Variants in DMD observed in about 807,000 individuals in gnomAD.
DMD encodes the protein mutant dystrophin.
In DMD, 63 loss-of-function variants were observed where a neutral mutation model predicts 330.1. That is an observed-to-expected ratio of 0.19 (90% CI 0.16 to 0.24). The LOEUF (loss-of-function observed/expected upper bound fraction) is 0.24, where lower values mean the gene tolerates loss of function less well. Among genes scored for constraint, DMD ranks in the 10% least tolerant of loss-of-function variants. The pLI, the probability that DMD is intolerant of heterozygous loss-of-function variation, is 1.00. For missense variants in DMD, 3,344 were observed against 2,684.1 expected (o/e 1.25, Z -5.43); for synonymous variants, 1,223 against 959.8 (o/e 1.27, Z -5.07).
At chrX:31,765,693 A>C (rs1318734024) in intron 51 of DMD, among the ~76,000 whole-genome samples, 1 of 112,066 alleles carries the variant, frequency 8.9e-6, no homozygotes, top group African/African-American at 3.2e-5. Flanking sequence ...TATACATAAA[A>C]GTGTGGATAC....
At chrX:31,554,668 A>T (rs927362782) in intron 55 of DMD, among the ~76,000 whole-genome samples, 2 of 111,906 alleles carry the variant, frequency 1.8e-5, no homozygotes, top group Non-Finnish European at 3.8e-5. Flanking sequence ...CTTTGATACA[A>T]ATGAATCATA....
rs1569547242 is a variant in DMD, at chrX:31,496,847, G to A, written c.8488C>T (p.Arg2830Trp). Residue 2830 changes from arginine (R) to tryptophan (W), a missense_variant, in exon 57 of 79, where the codon CGG becomes TGG. Transcript: ENST00000357033. ...WLQLKDDELS[R>W]QAPIGGDFPA... ...AAGTCGCCTCCAATAGGTGCCTGCCGGCTTAATTCATCATCTTTCAGCTGT... is the reference window on the plus strand; with the variant it reads ...AAGTCGCCTCCAATAGGTGCCTGCCAGCTTAATTCATCATCTTTCAGCTGT... 39 of 1,210,420 alleles carry A rather than the reference G, an allele frequency of 3.2e-5. No homozygotes were observed. Among genetic ancestry groups the A allele is most frequent in the Non-Finnish European group, 4.2e-5 (38 of 895,328 alleles).
upstream of DMD, among the ~76,000 whole-genome samples, chrX:33,214,338 A>T: frequency 9.0e-6 from 1 of 111,598 alleles, no homozygotes; most frequent in Non-Finnish European, 1.9e-5. Flanking sequence ...AGATCTACAG[A>T]TCTATCTACA....
chrX:32,891,751 T>C (rs895120009), intron 2 of DMD, among the ~76,000 whole-genome samples: 1 of 111,775 alleles, frequency 8.9e-6, no homozygotes, highest in African/African-American at 3.3e-5. Context: ...ATGTACCCAT[T>C]AGTATTTTAT....
chrX:32,235,168 G>A (rs1269368679), intron 43 of DMD, among the ~76,000 whole-genome samples: 1 of 111,323 alleles, frequency 9.0e-6, no homozygotes, highest in South Asian at 3.8e-4. Flanking sequence ...TTCAGTGGGA[G>A]CCTTGAGCTT....
In DMD at chrX:31,482,231, GTGT is replaced by G. The variant is rs1436576600; in HGVS notation, c.8548-3131_8548-3129del. 7.9e-3 allele frequency among the ~76,000 whole-genome samples: 752 copies of G among 95,741 alleles called. 13 individuals carry two copies. Among genetic ancestry groups the G allele is most frequent in the African/African-American group, 0.035 (716 of 20,494 alleles). The allele number at this position is 95,741 out of a possible 115,157, so 83.1% of individuals were successfully genotyped here. On this transcript the variant is annotated intron_variant, in intron 57 of 78. Transcript: ENST00000357033. ...ATGCAACATGATGGTGTGTGTGTGT[GTGT>G]GTGGGGGGGGTGTTCTGTGCATGGG...
chrX:32,162,621 C>A (rs867845358), intron 44 of DMD, among the ~76,000 whole-genome samples: 3 of 36,729 alleles, frequency 8.2e-5, no homozygotes, highest in African/African-American at 3.3e-4. Context: ...TTTTTTGAGG[C>A]GGAGTTTTGC....
At chrX:32,375,523 A>T (rs909355850) in intron 34 of DMD, among the ~76,000 whole-genome samples, 1 of 112,030 alleles carries the variant, frequency 8.9e-6, no homozygotes, top group Admixed American at 9.5e-5. Flanking sequence ...TTATGTTCTT[A>T]TATGTGATTT....
At chrX:32,830,983 T>G (rs1169529055) in intron 4 of DMD, among the ~76,000 whole-genome samples, 1 of 111,331 alleles carries the variant, frequency 9.0e-6, no homozygotes, top group Non-Finnish European at 1.9e-5. Context: ...GCTGTCTATT[T>G]TAAAGGCATA....
intron 44 of DMD, among the ~76,000 whole-genome samples, chrX:32,165,086 C>G (rs1429777358): frequency 8.9e-6 from 1 of 112,410 alleles, no homozygotes; most frequent in Non-Finnish European, 1.9e-5. Flanking sequence ...TCGGCTAGGA[C>G]AGTGTGGAAG....
chrX:32,697,298 G>A (rs1460607118), intron 9 of DMD, among the ~76,000 whole-genome samples: 2 of 111,204 alleles, frequency 1.8e-5, no homozygotes, highest in Admixed American at 9.6e-5. Flanking sequence ...AATATGACCT[G>A]GTTTCAGTGT....
At chrX:32,935,478 T>C (rs1383909630) in intron 2 of DMD, among the ~76,000 whole-genome samples, 1 of 112,214 alleles carries the variant, frequency 8.9e-6, no homozygotes, top group African/African-American at 3.2e-5. Flanking sequence ...TTTCTCATAT[T>C]CTTACATGTG....
At position 31,818,131 on chromosome X, in the gene DMD, CTGTG is replaced by C. The variant is rs777406605; in HGVS notation, c.7309+1840_7309+1843del. 5.3e-5 allele frequency among the ~76,000 whole-genome samples: 6 copies of C among 112,209 alleles called. No individual in the cohort carries two copies. In the South Asian group the frequency reaches 1.9e-3, roughly 35 times the overall value. Reference sequence around the variant, plus strand: ...GGGTCTAGGATAGGGGCCTCAGATTCTGTGTGTCTAACAAATACCCATTGACATC... The same window carrying C: ...GGGTCTAGGATAGGGGCCTCAGATTCTGTCTAACAAATACCCATTGACATC... On this transcript the variant is annotated intron_variant, in intron 50 of 78. Coordinates refer to ENST00000357033, the MANE Select transcript of DMD (RefSeq NM_004006.3).
At chrX:32,938,808 T>C (rs1318484156) in intron 2 of DMD, among the ~76,000 whole-genome samples, 1 of 111,325 alleles carries the variant, frequency 9.0e-6, no homozygotes, top group East Asian at 2.8e-4. Context: ...AGACATTTCC[T>C]AGGGTGTTTA....
At chrX:31,703,678 A>G (rs1382574178) in intron 52 of DMD, among the ~76,000 whole-genome samples, 1 of 112,078 alleles carries the variant, frequency 8.9e-6, no homozygotes, top group Non-Finnish European at 1.9e-5. Context: ...CATTTAGTCA[A>G]TGCTATGAAA....
chrX:32,067,105 A>T (rs776881022), intron 44 of DMD, among the ~76,000 whole-genome samples: 26 of 111,470 alleles, frequency 2.3e-4, no homozygotes, highest in Non-Finnish European at 4.2e-4. Context: ...ATAGGTTAAA[A>T]ATTTTCAGAC....
chrX:32,480,189 G>A (rs982316949), intron 21 of DMD, among the ~76,000 whole-genome samples: 1 of 111,838 alleles, frequency 8.9e-6, no homozygotes, highest in Admixed American at 9.5e-5. Flanking sequence ...TCAGAAAAAT[G>A]TGAAAACCAC....
chrX:32,771,466 C>T (rs753317662), intron 7 of DMD, among the ~76,000 whole-genome samples: 1 of 109,620 alleles, frequency 9.1e-6, no homozygotes, highest in Non-Finnish European at 1.9e-5. Context: ...TAAATGTCAT[C>T]TCATCATTGA....
At chrX:32,890,217 A>C (rs1376498013) in intron 2 of DMD, among the ~76,000 whole-genome samples, 2 of 111,707 alleles carry the variant, frequency 1.8e-5, no homozygotes, top group African/African-American at 6.5e-5. Flanking sequence ...GACATTCAGA[A>C]GTCAGTGAGT....
Sources: allele counts gnomAD v4.1 joint callset (sites outside exome capture counted in the v4.1 genomes callset), GRCh38; gene constraint gnomAD v4.1.1; transcripts MANE v1.5; gene names NCBI Gene and HGNC (gene_info 2026-07-23, HGNC 2026-07-21).